The following PANX1 variants were observed in gnomAD, a reference collection of about 807,000 sequenced individuals.
PANX1 encodes the protein pannexin-1.
A neutral mutation model predicts 38.7 loss-of-function variants in PANX1; 30 were observed. The observed-to-expected ratio is 0.78, with a 90% confidence interval of 0.58 to 1.05. The LOEUF is 1.05. PANX1 is among the 50% of genes least tolerant of loss of function. PANX1 has a pLI of 0.00. For missense variants in PANX1, 551 were observed against 517.2 expected (o/e 1.07, Z -0.63); for synonymous variants, 230 against 212.2 (o/e 1.08, Z -0.73).
At chr11:94,160,098 T>C (rs979578403) in intron 2 of PANX1, among the ~76,000 whole-genome samples, 2 of 152,138 alleles carry the variant, frequency 1.3e-5, no homozygotes, top group African/African-American at 4.8e-5. Context: ...AGAGACAGTT[T>C]GTTATAATTT....
At chr11:94,154,612 C>T (rs763311370) in intron 2 of PANX1, among the ~76,000 whole-genome samples, 4 of 152,144 alleles carry the variant, frequency 2.6e-5, no homozygotes, top group Non-Finnish European at 5.9e-5. Context: ...CATCCTTCTT[C>T]GTAAAAGGAA....
intron 1 of PANX1, among the ~76,000 whole-genome samples, chr11:94,142,838 A>G (rs1946779468): frequency 6.6e-6 from 1 of 152,232 alleles, no homozygotes. Context: ...TGCCCCGTGT[A>G]GAAACGGGAA....
chr11:94,180,943 G>T lies in PANX1; in HGVS notation c.*74G>T. On this transcript the variant is annotated 3_prime_UTR_variant, in exon 5 of 5. Coordinates refer to ENST00000227638, the MANE Select transcript of PANX1 (RefSeq NM_015368.4). ...TTAATTTGGCTAAAGCACCCCTGTT[G>T]GTTTCACAGCTGGTTTGCAATAAAT... 1 of 841,014 alleles carries T rather than the reference G, an allele frequency of 1.2e-6. No individual in the cohort carries two copies. Among genetic ancestry groups the T allele is most frequent in the Admixed American group, 1.8e-5 (1 of 57,064 alleles). The allele number at this position is 841,014 out of a possible 1,614,324, so 52.1% of individuals were successfully genotyped here. A position where few individuals can be genotyped will look rare whatever the true frequency, so the allele number is the denominator to read the frequency against.
intron 1 of PANX1, among the ~76,000 whole-genome samples, chr11:94,152,618 C>A (rs1026501841): frequency 1.3e-5 from 2 of 152,154 alleles, no homozygotes; most frequent in Non-Finnish European, 2.9e-5. Context: ...CCCTGTGCTA[C>A]TGGTGGGAAG....
At chr11:94,130,244 T>C (rs1029881978) in intron 1 of PANX1, among the ~76,000 whole-genome samples, 1 of 147,916 alleles carries the variant, frequency 6.8e-6, no homozygotes, top group Non-Finnish European at 1.5e-5. Context: ...GAGGGTTAAA[T>C]ACAGTTCTGT....
chr11:94,129,570 C>A, intron 1 of PANX1, 77 bp downstream of exon 1: 1 of 1,339,494 alleles, frequency 7.5e-7, no homozygotes, highest in South Asian at 1.4e-5. Flanking sequence ...GCTCACAGGC[C>A]CGAGTCTGGG....
intron 1 of PANX1, among the ~76,000 whole-genome samples, chr11:94,131,881 A>T (rs1395770821): frequency 6.6e-6 from 1 of 152,170 alleles, no homozygotes; most frequent in Non-Finnish European, 1.5e-5. Flanking sequence ...ACAGCAATAA[A>T]GGGAGAATGA....
In PANX1 at chr11:94,153,768, T is replaced by C. The variant is rs113231784; in HGVS notation, c.321+138T>C. ...CTCAGATTGTAAAACTGTAGCACCT[T>C]ATAGTCAAAAAGAACCTCAGAGATG... On this transcript the variant is annotated intron_variant, in intron 2 of 4. Coordinates refer to ENST00000227638, the MANE Select transcript of PANX1 (RefSeq NM_015368.4). 4 of 776,626 alleles carry C rather than the reference T, an allele frequency of 5.2e-6. No individual in the cohort carries two copies. In the African/African-American group the frequency reaches 7.0e-5, roughly 14 times the overall value. The allele number at this position is 776,626 out of a possible 1,614,324, so 48.1% of individuals were successfully genotyped here. A position where few individuals can be genotyped will look rare whatever the true frequency, so the allele number is the denominator to read the frequency against.
chr11:94,156,789 A>T lies in PANX1; in HGVS notation c.321+3159A>T, dbSNP rs950894973. 4.0e-5 allele frequency among the ~76,000 whole-genome samples: 6 copies of T among 150,558 alleles called. No individual in the cohort carries two copies. In the Admixed American group the frequency reaches 4.0e-4, roughly 10 times the overall value. On this transcript the variant is annotated intron_variant, in intron 2 of 4. Coordinates refer to ENST00000227638, the MANE Select transcript of PANX1 (RefSeq NM_015368.4). Reference sequence around the variant, plus strand: ...TGTGCACAACATGCAGGTTTGTTACATATGTATACTTGTGCCATGTTGGTG... The same window carrying T: ...TGTGCACAACATGCAGGTTTGTTACTTATGTATACTTGTGCCATGTTGGTG...
At chr11:94,173,401 T>A (rs914161782) in intron 2 of PANX1, among the ~76,000 whole-genome samples, 2 of 151,546 alleles carry the variant, frequency 1.3e-5, no homozygotes, top group South Asian at 4.1e-4. Flanking sequence ...TTATTTTCAG[T>A]TATCTACTAC....
intron 2 of PANX1, among the ~76,000 whole-genome samples, chr11:94,174,655 G>A (rs1045436539): frequency 2.6e-5 from 4 of 151,590 alleles, no homozygotes; most frequent in African/African-American, 2.4e-5. Context: ...TGTGGGGGCC[G>A]TGCATCCAGC....
At chr11:94,158,825 C>A (rs1390448037) in intron 2 of PANX1, among the ~76,000 whole-genome samples, 16 of 152,108 alleles carry the variant, frequency 1.1e-4, no homozygotes, top group Admixed American at 1.0e-3. Flanking sequence ...CTGTCTTGTG[C>A]CAGTTTTCAA....
chr11:94,150,643 C>A (rs1381475378), intron 1 of PANX1, among the ~76,000 whole-genome samples: 2 of 152,048 alleles, frequency 1.3e-5, no homozygotes, highest in African/African-American at 4.8e-5. Context: ...CTGTGCCGGT[C>A]CCCTGTACCC....
At chr11:94,165,214 T>G (rs1447728491) in intron 2 of PANX1, among the ~76,000 whole-genome samples, 1 of 152,086 alleles carries the variant, frequency 6.6e-6, no homozygotes, top group East Asian at 1.9e-4. Context: ...GCAATTTTGT[T>G]ATTTGTTTTC....
intron 2 of PANX1, among the ~76,000 whole-genome samples, chr11:94,174,646 G>C (rs545297523): frequency 2.6e-5 from 4 of 151,736 alleles, no homozygotes; most frequent in African/African-American, 9.7e-5. Flanking sequence ...TGCCTAGTCT[G>C]TGGGGGCCGT....
Position 94,178,585 on chromosome 11 carries a change from G to C in PANX1, c.538G>C (p.Gly180Arg), listed in dbSNP as rs774382292. The change falls in exon 3 of 5, where the codon GGG becomes CGG. Residue 180 changes from glycine (G) to arginine (R), a missense_variant. Coordinates refer to ENST00000227638, the MANE Select transcript of PANX1 (RefSeq NM_015368.4). ...CSVPGVTENLGQSLWEVSESH... is the reference protein window; with the variant it reads ...CSVPGVTENLRQSLWEVSESH... Reference sequence around the variant, plus strand: ...AGTTCCAGGTGTTACCGAGAACTTAGGGCAAAGGTAACTTAGCCCCAGCAG... The same window carrying C: ...AGTTCCAGGTGTTACCGAGAACTTACGGCAAAGGTAACTTAGCCCCAGCAG... The C allele has an allele frequency of 6.2e-7, 1 of 1,612,666 alleles. No homozygotes were observed. The highest frequency in any genetic ancestry group is 1.1e-5 in the South Asian group (1 of 91,028).
Position 94,129,230 on chromosome 11 carries a change from C to A in PANX1, c.-83C>A, listed in dbSNP as rs1379221306. On this transcript the variant is annotated 5_prime_UTR_variant, in exon 1 of 5. Coordinates refer to ENST00000227638, the MANE Select transcript of PANX1 (RefSeq NM_015368.4). Reference sequence around the variant, plus strand: ...GGAAAGCGAAAGCCGCGCGCCCGGCCGGTGACTGGGTGAAGGCGCCGCGCA... The same window carrying A: ...GGAAAGCGAAAGCCGCGCGCCCGGCAGGTGACTGGGTGAAGGCGCCGCGCA... 3.0e-4 allele frequency: 366 copies of A among 1,239,624 alleles called. 3 individuals are homozygous for A. In the East Asian group the frequency reaches 9.6e-3, roughly 32 times the overall value. The allele number at this position is 1,239,624 out of a possible 1,614,324, so 76.8% of individuals were successfully genotyped here.
Position 94,148,750 on chromosome 11 carries a change from C to T in PANX1, c.182-4741C>T, listed in dbSNP as rs190487900. Among the ~76,000 whole-genome samples, 13 of 152,232 alleles carry T rather than the reference C, an allele frequency of 8.5e-5. No homozygotes were observed. The East Asian group carries it at 2.3e-3, about 27-fold the overall frequency. ...TGTTGTGTAACTTAAAATCATTTCG[C>T]AGACTTTTAAAATCATGTGTATATG... On this transcript the variant is annotated intron_variant, in intron 1 of 4. Coordinates refer to ENST00000227638, the MANE Select transcript of PANX1 (RefSeq NM_015368.4).
chr11:94,171,145 C>A (rs1673884465), intron 2 of PANX1, among the ~76,000 whole-genome samples: 1 of 151,598 alleles, frequency 6.6e-6, no homozygotes, highest in Admixed American at 6.6e-5. Context: ...TCTGTGTCCT[C>A]CTGGATGGCA....
Sources: gnomAD v4.1 joint callset for allele counts (sites outside exome capture counted in the v4.1 genomes callset) on GRCh38, gnomAD v4.1.1 for gene constraint, MANE v1.5 for transcripts, NCBI Gene and HGNC (gene_info 2026-07-23, HGNC 2026-07-21) for gene names.